Variants in GRID2 observed in about 807,000 individuals in gnomAD.
GRID2 encodes the protein glutamate receptor ionotropic, delta-2.
GRID2 carries 33 observed loss-of-function variants against 114.8 expected under a neutral mutation model. The observed-to-expected ratio is 0.29, with a 90% CI of 0.22 to 0.38. The LOEUF is 0.38. GRID2 is among the 10% of genes least tolerant of loss of function. The pLI is 1.00. For missense variants in GRID2, 1,184 were observed against 1,257.7 expected, an observed-to-expected ratio of 0.94 and a Z score of 0.89; for synonymous variants, 505 against 449.9, an observed-to-expected ratio of 1.12 and a Z score of -1.55.
At chr4:93,778,077 C>A (rs918845337), downstream of GRID2, among the ~76,000 whole-genome samples, 2 of 152,044 alleles carry the variant, frequency 1.3e-5, no homozygotes, top group Non-Finnish European at 2.9e-5. Flanking sequence ...TAGTAGGAGA[C>A]CTTTAAGAAT....
intron 4 of GRID2, among the ~76,000 whole-genome samples, chr4:93,189,773 C>CACACACA (rs1268745559): frequency 5.0e-5 from 7 of 138,896 alleles, no homozygotes; most frequent in African/African-American, 1.6e-4. Context: ...CCACACCACA[C>CACACACA]CACACACACA....
At chr4:92,974,511 A>G (rs2149176643) in intron 2 of GRID2, among the ~76,000 whole-genome samples, 1 of 152,228 alleles carries the variant, frequency 6.6e-6, no homozygotes, top group Non-Finnish European at 1.5e-5. Flanking sequence ...GCAGCCATAA[A>G]AAAGGATGAG....
At chr4:92,949,725 A>G (rs1284887826) in intron 2 of GRID2, among the ~76,000 whole-genome samples, 2 of 151,838 alleles carry the variant, frequency 1.3e-5, no homozygotes, top group Non-Finnish European at 2.9e-5. Context: ...GAAGGTGTAA[A>G]CTGTTTAGAA....
chr4:93,620,015 A>G (rs1742067426), intron 13 of GRID2, among the ~76,000 whole-genome samples: 1 of 152,226 alleles, frequency 6.6e-6, no homozygotes, highest in Admixed American at 6.5e-5. Flanking sequence ...CCTTGATCTC[A>G]CATTCCAAAT....
chr4:93,369,974 T>G (rs978300224), intron 8 of GRID2, among the ~76,000 whole-genome samples: 3 of 152,176 alleles, frequency 2.0e-5, no homozygotes, highest in Admixed American at 6.6e-5. Flanking sequence ...ATATTCCCAG[T>G]GCACATTGTC....
chr4:92,351,246 T>C (rs181486198), intron 1 of GRID2, among the ~76,000 whole-genome samples: 85 of 151,974 alleles, frequency 5.6e-4, no homozygotes, highest in African/African-American at 1.9e-3. Context: ...TTTGAGGAAG[T>C]GCCAAACTCT....
chr4:93,579,756 T>C (rs1736775633), intron 13 of GRID2, among the ~76,000 whole-genome samples: 1 of 152,168 alleles, frequency 6.6e-6, no homozygotes, highest in Non-Finnish European at 1.5e-5. Context: ...CAATCTCCCT[T>C]AGCCTACATC....
intron 9 of GRID2, among the ~76,000 whole-genome samples, chr4:93,411,885 A>G (rs2149353464): frequency 6.6e-6 from 1 of 151,964 alleles, no homozygotes; most frequent in Non-Finnish European, 1.5e-5. Flanking sequence ...TCATTCCCTG[A>G]ACTATGTTGA....
At chr4:93,261,102 A>T (rs1015776694) in intron 8 of GRID2, among the ~76,000 whole-genome samples, 12 of 151,800 alleles carry the variant, frequency 7.9e-5, no homozygotes, top group African/African-American at 2.9e-4. Flanking sequence ...ATCAACAAAC[A>T]TAGATCTTTC....
Position 92,304,770 on chromosome 4 carries a change from G to C in GRID2, c.88+26G>C, listed in dbSNP as rs370423439. On this transcript the variant is annotated intron_variant, in intron 1 of 15. Transcript: ENST00000282020. ...GTAAGAAAGTGTTGGTGCAGCTCGT[G>C]GTTACTTTTACCGTTTCAGTTCTCA... 290 of 1,515,466 alleles carry C rather than the reference G, an allele frequency of 1.9e-4. No homozygotes were observed. The Middle Eastern group carries it at 7.0e-3, about 36-fold the overall frequency. The allele number at this position is 1,515,466 out of a possible 1,614,324, so 93.9% of individuals were successfully genotyped here.
At chr4:92,482,949 G>A (rs767585447) in intron 1 of GRID2, among the ~76,000 whole-genome samples, 4 of 152,040 alleles carry the variant, frequency 2.6e-5, no homozygotes, top group Non-Finnish European at 4.4e-5. Flanking sequence ...CTAATAATAT[G>A]TTGCAACATA....
intron 14 of GRID2, among the ~76,000 whole-genome samples, chr4:93,693,683 G>A (rs375427755): frequency 6.6e-6 from 1 of 152,082 alleles, no homozygotes; most frequent in Non-Finnish European, 1.5e-5. Context: ...TATTAATACT[G>A]TATTGTTCTA....
chr4:92,555,303 A>C (rs1040401785), intron 1 of GRID2, among the ~76,000 whole-genome samples: 1 of 152,188 alleles, frequency 6.6e-6, no homozygotes. Context: ...GGGTTATAGG[A>C]GAATGATTTA....
chr4:92,704,715 C>CTCTCTCTTTCTCTCTCTCTCTCTCTCTT (rs1734859941), intron 2 of GRID2, among the ~76,000 whole-genome samples: 1 of 143,638 alleles, frequency 7.0e-6, no homozygotes, highest in African/African-American at 2.6e-5. Context: ...CTCTCTCTCT[C>CTCTCTCTTTCTCTCTCTCTCTCTCTCTT]TCTCTCTTTC....
chr4:92,942,277 G>T (rs563402863), intron 2 of GRID2, among the ~76,000 whole-genome samples: 47,264 of 151,662 alleles, frequency 0.31, 8,030 homozygotes, highest in Admixed American at 0.48. Flanking sequence ...TATATATTTA[G>T]GATAGTTAGC....
chr4:92,351,024 CA>C (rs976902772), intron 1 of GRID2, among the ~76,000 whole-genome samples: 5 of 151,686 alleles, frequency 3.3e-5, no homozygotes, highest in African/African-American at 1.2e-4. Context: ...TTTTTATGGC[CA>C]AATAATAATT....
At chr4:93,525,419 T>G (rs1730785674) in intron 13 of GRID2, among the ~76,000 whole-genome samples, 1 of 152,058 alleles carries the variant, frequency 6.6e-6, no homozygotes, top group Admixed American at 6.6e-5. Flanking sequence ...AAGGTGCTTG[T>G]GGAACAAAGA....
chr4:93,194,929 A>C (rs766844455), intron 4 of GRID2, among the ~76,000 whole-genome samples: 2 of 152,196 alleles, frequency 1.3e-5, no homozygotes, highest in Non-Finnish European at 2.9e-5. Context: ...CTTGAGCACC[A>C]TTGATGTAAA....
At chr4:93,309,209 G>A (rs1755748659) in intron 8 of GRID2, among the ~76,000 whole-genome samples, 1 of 152,038 alleles carries the variant, frequency 6.6e-6, no homozygotes, top group Non-Finnish European at 1.5e-5. Flanking sequence ...ATAGGACCTG[G>A]CATATAATTG....
Sources: allele counts gnomAD v4.1 joint callset (sites outside exome capture counted in the v4.1 genomes callset), GRCh38; gene constraint gnomAD v4.1.1; transcripts MANE v1.5; gene names NCBI Gene and HGNC (gene_info 2026-07-23, HGNC 2026-07-21).